Variants in DENND1B observed in about 807,000 individuals in gnomAD.
DENND1B encodes DENN domain-containing protein 1B.
In DENND1B, 59 loss-of-function variants were observed where a neutral mutation model predicts 90.1. The observed-to-expected ratio is 0.65, with a 90% CI of 0.53 to 0.81. The LOEUF is 0.81. DENND1B is among the 40% of genes least tolerant of loss of function. DENND1B has a pLI of 0.00. For synonymous variants in DENND1B, 337 were observed against 324.6 expected (o/e 1.04, Z -0.41); for missense variants, 862 against 912.6 (o/e 0.94, Z 0.71).
chr1:197,600,054 C>T (rs1219849973), intron 13 of DENND1B, among the ~76,000 whole-genome samples: 5 of 151,816 alleles, frequency 3.3e-5, no homozygotes, highest in Admixed American at 6.6e-5. Flanking sequence ...TCTCTCCTCT[C>T]CCTCTTCTTC....
intron 2 of DENND1B, chr1:197,735,823 A>C (rs1662619492): frequency 6.2e-7 from 1 of 1,607,538 alleles, no homozygotes; most frequent in African/African-American, 1.3e-5. Context: ...AAAAAGGGAC[A>C]ATTGGAAGAA....
rs908526482 is a variant in DENND1B, at chr1:197,552,175, T to A, written c.1240+847A>T. On this transcript the variant is annotated intron_variant, in intron 16 of 22. Coordinates refer to ENST00000620048, the MANE Select transcript of DENND1B (RefSeq NM_001195215.2). ...CTATTTATTTACATATAGACTGAAG[T>A]TTTTTTTCCTCAAAACAAACATACA... is the stretch of plus-strand genomic sequence containing the variant. 4.2e-6 allele frequency: 4 copies of A among 963,516 alleles called. No homozygotes were observed. The African/African-American group carries it at 7.0e-5, about 17-fold the overall frequency. The allele number at this position is 963,516 out of a possible 1,614,324, so 59.7% of individuals were successfully genotyped here. A position where few individuals can be genotyped will look rare whatever the true frequency, so the allele number is the denominator to read the frequency against.
At chr1:197,536,870 T>C (rs1358243448) in intron 20 of DENND1B, among the ~76,000 whole-genome samples, 2 of 151,950 alleles carry the variant, frequency 1.3e-5, no homozygotes, top group African/African-American at 4.8e-5. Flanking sequence ...ACCCCGTCTC[T>C]ACTAAAAATA....
intron 3 of DENND1B, among the ~76,000 whole-genome samples, chr1:197,706,736 C>T (rs1306996079): frequency 6.6e-6 from 1 of 152,084 alleles, no homozygotes; most frequent in Non-Finnish European, 1.5e-5. Flanking sequence ...TATCATCTCA[C>T]CCCAGTTACA....
rs746775748 is a variant in DENND1B, at chr1:197,645,690, A to C, written c.561T>G (p.Ser187Arg). ...DVTGLPTIPE[S>R]RNLTEYFVAV... ...TTAAAGTAGAAAATAGGAAACTTAC[A>C]CTCTCGGGTATTGTTGGGAGTCCAG... Residue 187 changes from serine to arginine, a missense_variant and splice_region_variant, in exon 9 of 23, where the codon AGT becomes AGG. Transcript: ENST00000620048. 2 of 1,533,908 alleles carry C rather than the reference A, an allele frequency of 1.3e-6. No individual in the cohort carries two copies. Among genetic ancestry groups the C allele is most frequent in the Admixed American group, 1.9e-5 (1 of 53,140 alleles).
intron 13 of DENND1B, among the ~76,000 whole-genome samples, chr1:197,595,563 T>C (rs941671737): frequency 6.6e-6 from 1 of 152,092 alleles, no homozygotes; most frequent in Non-Finnish European, 1.5e-5. Context: ...TCTCTTTTTT[T>C]CCCAAGGCCT....
In DENND1B at chr1:197,635,160, A is replaced by G. The variant is rs74491969; in HGVS notation, c.672+7551T>C. ...ATCAAGGGATACATTTCTACTTGAC[A>G]AAGATACACTTTCTACTCTGGCATT... On this transcript the variant is annotated intron_variant, in intron 10 of 22. Transcript: ENST00000620048. Among the ~76,000 whole-genome samples, 862 of 152,360 alleles carry G rather than the reference A, an allele frequency of 5.7e-3. 10 individuals carry two copies. Among genetic ancestry groups the G allele is most frequent in the African/African-American group, 0.019 (805 of 41,580 alleles).
intron 2 of DENND1B, among the ~76,000 whole-genome samples, chr1:197,728,698 C>G (rs1441208193): frequency 6.6e-6 from 1 of 152,270 alleles, no homozygotes; most frequent in East Asian, 1.9e-4. Context: ...CCACTCAGCT[C>G]TTCTCAACTC....
intron 3 of DENND1B, among the ~76,000 whole-genome samples, chr1:197,704,543 C>A (rs1358862197): frequency 6.6e-6 from 1 of 152,052 alleles, no homozygotes; most frequent in Non-Finnish European, 1.5e-5. Context: ...CTGTACAAAA[C>A]CCTCCACTGT....
intron 15 of DENND1B, among the ~76,000 whole-genome samples, chr1:197,568,533 A>T (rs1398777628): frequency 6.6e-6 from 1 of 152,156 alleles, no homozygotes; most frequent in African/African-American, 2.4e-5. Flanking sequence ...AAAGACCTCA[A>T]ATAGACAAAA....
chr1:197,678,681 A>C (rs1656336864), intron 3 of DENND1B, among the ~76,000 whole-genome samples: 1 of 152,178 alleles, frequency 6.6e-6, no homozygotes, highest in Non-Finnish European at 1.5e-5. Flanking sequence ...ATCAAAATGC[A>C]TTTTATAGGG....
At chr1:197,541,860 G>A (rs1044653566) in intron 18 of DENND1B, among the ~76,000 whole-genome samples, 1 of 152,202 alleles carries the variant, frequency 6.6e-6, no homozygotes, top group African/African-American at 2.4e-5. Flanking sequence ...CAGGGAGACT[G>A]TAATCTAGCT....
At chr1:197,769,008 ACAACCT>A (rs1280353064) in intron 2 of DENND1B, among the ~76,000 whole-genome samples, 2 of 152,220 alleles carry the variant, frequency 1.3e-5, no homozygotes, top group African/African-American at 4.8e-5. Context: ...AATTTAATTA[ACAACCT>A]GTCTCTGAAG....
intron 2 of DENND1B, among the ~76,000 whole-genome samples, chr1:197,765,358 T>C (rs1558497040): frequency 6.6e-6 from 1 of 152,230 alleles, no homozygotes; most frequent in Non-Finnish European, 1.5e-5. Flanking sequence ...AGAGCTCAAA[T>C]GTGATATTCT....
At chr1:197,707,319 G>C (rs1383226340) in intron 3 of DENND1B, among the ~76,000 whole-genome samples, 2 of 152,000 alleles carry the variant, frequency 1.3e-5, no homozygotes, top group Non-Finnish European at 1.5e-5. Flanking sequence ...ATGACAGCTA[G>C]ATAGATAGGA....
At chr1:197,707,278 T>A (rs1659639649) in intron 3 of DENND1B, among the ~76,000 whole-genome samples, 1 of 152,066 alleles carries the variant, frequency 6.6e-6, no homozygotes, top group African/African-American at 2.4e-5. Context: ...GGCTTGGGGC[T>A]GATAGCCAGA....
At chr1:197,628,327 T>G (rs573939034) in intron 10 of DENND1B, among the ~76,000 whole-genome samples, 48 of 152,078 alleles carry the variant, frequency 3.2e-4, no homozygotes, top group African/African-American at 9.2e-4. Context: ...CCAAAACAGA[T>G]ATATAGATCA....
chr1:197,643,250 G>T (rs983336828), intron 9 of DENND1B, among the ~76,000 whole-genome samples: 1 of 151,932 alleles, frequency 6.6e-6, no homozygotes, highest in African/African-American at 2.4e-5. Flanking sequence ...CGCCTCCCGG[G>T]TTCAGGTGAT....
chr1:197,565,438 G>GT (rs1672547227), intron 15 of DENND1B, among the ~76,000 whole-genome samples: 1 of 151,492 alleles, frequency 6.6e-6, no homozygotes, highest in South Asian at 2.1e-4. Context: ...TTAAAATACA[G>GT]TAACACTTTA....
Sources: allele counts gnomAD v4.1 joint callset (sites outside exome capture counted in the v4.1 genomes callset), GRCh38; gene constraint gnomAD v4.1.1; transcripts MANE v1.5; gene names NCBI Gene and HGNC (gene_info 2026-07-23, HGNC 2026-07-21).